The following PEX26 variants were observed in gnomAD, a reference collection of about 807,000 sequenced individuals.
PEX26 encodes peroxisome assembly protein 26.
In PEX26, 18 loss-of-function variants were observed where a neutral mutation model predicts 31.4. The observed-to-expected ratio is 0.57, with a 90% CI of 0.40 to 0.85. PEX26 has a LOEUF of 0.85. Among genes scored for constraint, PEX26 ranks in the 40% least tolerant of loss-of-function variants. The pLI, the probability that PEX26 is intolerant of heterozygous loss-of-function variation, is 0.00. For missense variants in PEX26, 377 were observed against 383.9 expected (o/e 0.98, Z 0.15); for synonymous variants, 176 against 166.9 (o/e 1.05, Z -0.42).
chr22:18,098,757 C>T lies in PEX26; in HGVS notation c.*10682C>T, dbSNP rs1246392157. 7 of 78,794 alleles carry T rather than the reference C, an allele frequency of 8.9e-5. No individual in the cohort carries two copies. Among genetic ancestry groups the T allele is most frequent in the Non-Finnish European group, 1.4e-4 (5 of 34,932 alleles). The allele number at this position is 78,794 out of a possible 1,614,324, so 4.9% of individuals were successfully genotyped here. On this transcript the variant is annotated 3_prime_UTR_variant, in exon 5 of 5. Coordinates refer to ENST00000399744, the MANE Select transcript of PEX26 (RefSeq NM_001127649.3). ...TAAGTAATACACATGTGTATGTGTG[C>T]GTGTGTAGACATATATATATAATAT...
In PEX26 at chr22:18,099,965, G is replaced by T. The variant is rs1216091995; in HGVS notation, c.*11890G>T. 1 of 152,194 alleles carries T rather than the reference G, an allele frequency of 6.6e-6. No individual in the cohort carries two copies. The highest frequency in any genetic ancestry group is 2.4e-5 in the African/African-American group (1 of 41,440). 9.4% of individuals were successfully genotyped at this position (152,194 alleles called of 1,614,324 possible). On this transcript the variant is annotated 3_prime_UTR_variant, in exon 5 of 5. Transcript: ENST00000399744. ...TATTCCAAATAATGTCACATTCTGA[G>T]ATTTTAGGCAAACATATCTTTGGGG...
At chr22:18,080,834 T>G (rs968078683) in intron 2 of PEX26, among the ~76,000 whole-genome samples, 39 of 152,154 alleles carry the variant, frequency 2.6e-4, no homozygotes, top group African/African-American at 8.7e-4. Flanking sequence ...TACCTTACTG[T>G]TAACCATAAC....
chr22:18,100,833 G>T lies in PEX26; in HGVS notation c.*12758G>T, dbSNP rs776703516. 1.3e-5 allele frequency: 2 copies of T among 152,212 alleles called. No homozygotes were observed. The highest frequency in any genetic ancestry group is 2.9e-5 in the Non-Finnish European group (2 of 68,034). The allele number at this position is 152,212 out of a possible 1,614,324, so 9.4% of individuals were successfully genotyped here. ...TTGCAGAGTCCCTGCCTGTCCCAGA[G>T]AACCTAACAAACTGATCTATATGGA... is the stretch of plus-strand genomic sequence containing the variant. On this transcript the variant is annotated 3_prime_UTR_variant, in exon 5 of 5. Transcript: ENST00000399744.
intron 4 of PEX26, among the ~76,000 whole-genome samples, chr22:18,087,523 T>G (rs545740844): frequency 6.6e-6 from 1 of 152,372 alleles, no homozygotes; most frequent in East Asian, 1.9e-4. Flanking sequence ...CGTTCATCCC[T>G]GGCCACCTCC....
rs1926909773 is a variant in PEX26 at position 18,087,958 on chromosome 22, C to T, written c.815-14C>T. On this transcript the variant is annotated splice_polypyrimidine_tract_variant and intron_variant, in intron 4 of 4. Transcript: ENST00000399744. The stretch of plus-strand genomic sequence containing the variant: ...GGGGTGGGACGTTCACTGTAGTCTC[C>T]CTCTGCCCTGCAGCTTCCCCTTCCT... The T allele has an allele frequency of 6.4e-7, 1 of 1,570,214 alleles. No homozygotes were observed. The highest frequency in any genetic ancestry group is 8.8e-7 in the Non-Finnish European group (1 of 1,140,316).
At chr22:18,087,929 G>A (rs1194983404) in intron 4 of PEX26, 43 bp from the exon 5 acceptor site, 1 of 1,227,364 alleles carries the variant, frequency 8.1e-7, no homozygotes, top group Non-Finnish European at 1.2e-6. Context: ...AGTGACAGGT[G>A]AGAGGGGTGG....
At position 18,083,765 on chromosome 22, in the gene PEX26, G is replaced by A. The variant is rs778014843; in HGVS notation, c.667+33G>A. 1.2e-5 allele frequency: 19 copies of A among 1,607,608 alleles called. No individual in the cohort carries two copies. The South Asian group carries it at 2.0e-4, about 17-fold the overall frequency. On this transcript the variant is annotated intron_variant, in intron 3 of 4. Coordinates refer to ENST00000399744, the MANE Select transcript of PEX26 (RefSeq NM_001127649.3). The stretch of plus-strand genomic sequence containing the variant: ...ATTATCCCTCTGCGACCTCTGTAAA[G>A]TGGACTTGCGGGCTTGCACTGTACC...
rs1212593193 is a variant in PEX26 at position 18,089,167 on chromosome 22, TCCTTGCCTCCTTGGTACACACCATTTCAG to T, written c.*1093_*1121del. On this transcript the variant is annotated 3_prime_UTR_variant, in exon 5 of 5. Coordinates refer to ENST00000399744, the MANE Select transcript of PEX26 (RefSeq NM_001127649.3). ...GCTGTTTCACCAGGTTCTGCCTGTA[TCCTTGCCTCCTTGGTACACACCATTTCAG>T]GTTCTTCCCTTTCTGTGTCCCATTG... The T allele has an allele frequency of 2.0e-5, 3 of 153,054 alleles. No homozygotes were observed. The highest frequency in any genetic ancestry group is 7.2e-5 in the African/African-American group (3 of 41,470). The allele number at this position is 153,054 out of a possible 1,614,324, so 9.5% of individuals were successfully genotyped here.
rs1927574439 is a variant in PEX26, at chr22:18,104,993, A to G, written c.*16918A>G. On this transcript the variant is annotated 3_prime_UTR_variant, in exon 5 of 5. Coordinates refer to ENST00000399744, the MANE Select transcript of PEX26 (RefSeq NM_001127649.3). ...TAACCAAAGTTAAATACATATGACA[A>G]GTACCTGAATCTAGATAATCTAATG... 1 of 152,230 alleles carries G rather than the reference A, an allele frequency of 6.6e-6. No individual in the cohort carries two copies. The highest frequency in any genetic ancestry group is 1.5e-5 in the Non-Finnish European group (1 of 68,048). 9.4% of individuals were successfully genotyped at this position (152,230 alleles called of 1,614,324 possible). A position where few individuals can be genotyped will look rare whatever the true frequency, so the allele number is the denominator to read the frequency against.
chr22:18,083,740 A>G lies in PEX26; in HGVS notation c.667+8A>G, dbSNP rs200880379. On this transcript the variant is annotated splice_region_variant and intron_variant, in intron 3 of 4. Transcript: ENST00000399744. ...AGAAGCCAAACCTGGAAGGTAGGAC[A>G]TTATCCCTCTGCGACCTCTGTAAAG... 7.2e-4 allele frequency: 1,159 copies of G among 1,613,334 alleles called. No individual in the cohort carries two copies. The highest frequency in any genetic ancestry group is 9.2e-4 in the Non-Finnish European group (1,080 of 1,179,892).
In PEX26 at chr22:18,085,255, C is replaced by A. The variant is rs775889819; in HGVS notation, c.811C>A (p.Pro271Thr). Reference sequence around the variant, plus strand: ...CTGTCTCCTGGTGGTGAGATTTGATCCAGGTAAGAGGTGGAGACTCTCCCC... The same window carrying A: ...CTGTCTCCTGGTGGTGAGATTTGATACAGGTAAGAGGTGGAGACTCTCCCC... The part of the protein sequence containing the change: ...ILCLLVVRFD[P>T]ASPSSLHFLY... The change falls in exon 4 of 5, where the codon CCA becomes ACA. Residue 271 changes from proline (P) to threonine (T), a missense_variant. Coordinates refer to ENST00000399744, the MANE Select transcript of PEX26 (RefSeq NM_001127649.3). 2.5e-6 allele frequency: 4 copies of A among 1,614,024 alleles called. No individual in the cohort carries two copies. Among genetic ancestry groups the A allele is most frequent in the Non-Finnish European group, 2.5e-6 (3 of 1,179,968 alleles).
intron 3 of PEX26, 21 bp from the exon 4 acceptor site, chr22:18,085,089 CTG>C (rs1926785463): frequency 1.9e-6 from 3 of 1,613,522 alleles, no homozygotes; most frequent in Admixed American, 3.3e-5. Context: ...ATCCCTGAAG[CTG>C]TGCTCTGTCT....
intron 3 of PEX26, among the ~76,000 whole-genome samples, chr22:18,084,742 G>A (rs1193457800): frequency 1.4e-5 from 2 of 142,616 alleles, no homozygotes; most frequent in Non-Finnish European, 3.0e-5. Context: ...TTTTTTTTGA[G>A]ACGGAGTTTT....
In PEX26 at chr22:18,078,071, A is replaced by G. The variant is rs1442785283; in HGVS notation, c.-306A>G. Reference sequence around the variant, plus strand: ...AGGTGAGTCTTTGATCGTAACCAGGAGCCCGGAGCTGAGGCAGTTCCTGCA... The same window carrying G: ...AGGTGAGTCTTTGATCGTAACCAGGGGCCCGGAGCTGAGGCAGTTCCTGCA... On this transcript the variant is annotated 5_prime_UTR_variant, in exon 1 of 5. Transcript: ENST00000399744. 2.2e-5 allele frequency: 12 copies of G among 557,266 alleles called. No homozygotes were observed. The Admixed American group carries it at 2.4e-4, about 11-fold the overall frequency. 34.5% of individuals were successfully genotyped at this position (557,266 alleles called of 1,614,324 possible). A position where few individuals can be genotyped will look rare whatever the true frequency, so the allele number is the denominator to read the frequency against.
rs899857801 is a variant in PEX26, at chr22:18,078,024, C to G, written c.-353C>G. ...CGGGGCTGGGCGAGCGCAAAGATGT[C>G]CGCGCCCGCTGCCGGGAGGCGAGGT... On this transcript the variant is annotated 5_prime_UTR_variant, in exon 1 of 5. Coordinates refer to ENST00000399744, the MANE Select transcript of PEX26 (RefSeq NM_001127649.3). 4.2e-6 allele frequency: 2 copies of G among 476,562 alleles called. No individual in the cohort carries two copies. Among genetic ancestry groups the G allele is most frequent in the Non-Finnish European group, 4.1e-6 (1 of 243,408 alleles). The allele number at this position is 476,562 out of a possible 1,614,324, so 29.5% of individuals were successfully genotyped here. A position where few individuals can be genotyped will look rare whatever the true frequency, so the allele number is the denominator to read the frequency against.
Position 18,087,961 on chromosome 22 carries a change from C to G in PEX26, c.815-11C>G. 6.3e-7 allele frequency: 1 copy of G among 1,585,044 alleles called. No homozygotes were observed. The highest frequency in any genetic ancestry group is 8.7e-7 in the Non-Finnish European group (1 of 1,153,880). On this transcript the variant is annotated splice_polypyrimidine_tract_variant and intron_variant, in intron 4 of 4. Coordinates refer to ENST00000399744, the MANE Select transcript of PEX26 (RefSeq NM_001127649.3). ...GTGGGACGTTCACTGTAGTCTCCCT[C>G]TGCCCTGCAGCTTCCCCTTCCTCCC...
At position 18,092,129 on chromosome 22, in the gene PEX26, C is replaced by G. The variant is rs892212506; in HGVS notation, c.*4054C>G. On this transcript the variant is annotated 3_prime_UTR_variant, in exon 5 of 5. Coordinates refer to ENST00000399744, the MANE Select transcript of PEX26 (RefSeq NM_001127649.3). ...TCCTCTGCTTTCCTCCCTCCCAGCA[C>G]GGAAAAGCCGTGGGGCCGATGGACT... 2.7e-4 allele frequency: 41 copies of G among 152,414 alleles called. No homozygotes were observed. The highest frequency in any genetic ancestry group is 9.6e-4 in the African/African-American group (40 of 41,578). The allele number at this position is 152,414 out of a possible 1,614,324, so 9.4% of individuals were successfully genotyped here.
In PEX26 at chr22:18,092,863, A is replaced by G. The variant is rs1065681; in HGVS notation, c.*4788A>G. Reference sequence around the variant, plus strand: ...TTATAAAAGCCCTTTTATAAAGCCAATTTTAAACAAGAAAAAAACAAAAAG... The same window carrying G: ...TTATAAAAGCCCTTTTATAAAGCCAGTTTTAAACAAGAAAAAAACAAAAAG... On this transcript the variant is annotated 3_prime_UTR_variant, in exon 5 of 5. Coordinates refer to ENST00000399744, the MANE Select transcript of PEX26 (RefSeq NM_001127649.3). 7 of 151,336 alleles carry G rather than the reference A, an allele frequency of 4.6e-5. No homozygotes were observed. The highest frequency in any genetic ancestry group is 1.5e-4 in the African/African-American group (6 of 41,114). The allele number at this position is 151,336 out of a possible 1,614,324, so 9.4% of individuals were successfully genotyped here.
At chr22:18,083,297 G>A (rs1926693872) in intron 2 of PEX26, 140 bp from the exon 3 acceptor site, 11 of 863,394 alleles carry the variant, frequency 1.3e-5, no homozygotes, top group Non-Finnish European at 2.0e-5. Context: ...ATTCCCATGA[G>A]CATCATCATT....
Sources: gnomAD v4.1 joint callset for allele counts (sites outside exome capture counted in the v4.1 genomes callset) on GRCh38, gnomAD v4.1.1 for gene constraint, MANE v1.5 for transcripts, NCBI Gene and HGNC (gene_info 2026-07-23, HGNC 2026-07-21) for gene names.